Variants in ATG7 observed in about 807,000 individuals in gnomAD.
The protein encoded by ATG7 is ubiquitin-like modifier-activating enzyme ATG7.
In ATG7, 70 loss-of-function variants were observed where a neutral mutation model predicts 82.4. That is an observed-to-expected ratio of 0.85 (90% CI 0.70 to 1.04). The LOEUF (loss-of-function observed/expected upper bound fraction) is 1.04, where lower values mean the gene tolerates loss of function less well. Among genes scored for constraint, ATG7 ranks in the 50% least tolerant of loss-of-function variants. ATG7 has a pLI of 0.00. For missense variants in ATG7, 792 were observed against 864.3 expected (o/e 0.92, Z 1.05); for synonymous variants, 287 against 313.0 (o/e 0.92, Z 0.88).
At position 11,527,071 on chromosome 3, in the gene ATG7, GTA is replaced by G. The variant is rs59492212; in HGVS notation, c.2080-27719_2080-27718del. The stretch of plus-strand genomic sequence containing the variant: ...TGTGTGTGTGTGTGTGTGTGTGTGT[GTA>G]TATATATATATATATATATACATAC... On this transcript the variant is annotated intron_variant, in intron 20 of 20. Coordinates refer to ENST00000693202, the MANE Select transcript of ATG7 (RefSeq NM_001349232.2). 9.6e-3 allele frequency among the ~76,000 whole-genome samples: 1,217 copies of G among 127,374 alleles called. 16 individuals are homozygous for G. The highest frequency in any genetic ancestry group is 0.034 in the African/African-American group (1,083 of 31,972). 83.6% of individuals were successfully genotyped at this position (127,374 alleles called of 152,430 possible).
chr3:11,573,289 A>G, the ATG7 span, among the ~76,000 whole-genome samples: 10 of 11,350 alleles, frequency 8.8e-4, no homozygotes, highest in Non-Finnish European at 1.4e-3. Context: ...GAAAGAAAGA[A>G]AGAAAGAAAG....
intron 18 of ATG7, among the ~76,000 whole-genome samples, chr3:11,377,774 G>A (rs1427719291): frequency 6.6e-6 from 1 of 152,154 alleles, no homozygotes; most frequent in Non-Finnish European, 1.5e-5. Flanking sequence ...GACTCACTGT[G>A]AGTATTCTCA....
At chr3:11,486,820 G>GTTTTTTTTTTTTTTTTTTT (rs34251925) in intron 20 of ATG7, among the ~76,000 whole-genome samples, 2 of 131,986 alleles carry the variant, frequency 1.5e-5, no homozygotes, top group Non-Finnish European at 3.2e-5. Context: ...CTTTGGTTCT[G>GTTTTTTTTTTTTTTTTTTT]TTTTTTTTTT....
intron 20 of ATG7, among the ~76,000 whole-genome samples, chr3:11,515,907 G>A (rs2092263752): frequency 6.6e-6 from 1 of 151,982 alleles, no homozygotes; most frequent in Non-Finnish European, 1.5e-5. Context: ...AGACACTGCT[G>A]GCCACGGGAA....
downstream of ATG7, among the ~76,000 whole-genome samples, chr3:11,562,098 A>G (rs895838119): frequency 1.3e-5 from 2 of 151,908 alleles, no homozygotes; most frequent in African/African-American, 4.8e-5. Context: ...GGGTTTCACC[A>G]TGTTGGCCAG....
chr3:11,505,197 AAAG>A (rs1284627833), intron 20 of ATG7, among the ~76,000 whole-genome samples: 1 of 152,240 alleles, frequency 6.6e-6, no homozygotes, highest in Non-Finnish European at 1.5e-5. Flanking sequence ...AACGTTTTAA[AAAG>A]AACAAAAGTG....
intron 3 of ATG7, chr3:11,290,728 AG>A (rs1944842725): frequency 5.0e-6 from 1 of 198,160 alleles, no homozygotes; most frequent in Non-Finnish European, 1.1e-5. Context: ...CTTGTCGCCC[AG>A]GCTGGAGTGC....
intron 20 of ATG7, among the ~76,000 whole-genome samples, chr3:11,531,224 G>T (rs924346271): frequency 6.6e-6 from 1 of 152,178 alleles, no homozygotes; most frequent in Non-Finnish European, 1.5e-5. Context: ...AGAAGGGGGG[G>T]CTGTGCAGGG....
intron 20 of ATG7, chr3:11,446,417 G>A (rs2442798): frequency 0.21 from 73,592 of 346,472 alleles, 9,085 homozygotes; most frequent in Admixed American, 0.36. Context: ...TTGTAAATGC[G>A]TTATATAAAG....
rs569422017 is a variant in ATG7 at position 11,386,511 on chromosome 3, A to G, written c.1956+6459A>G. ...AGATTTGATAGGGTTTTAAATCTCAATCATTTACAAGGACTGGCCAGAGCC... is the reference window on the plus strand; with the variant it reads ...AGATTTGATAGGGTTTTAAATCTCAGTCATTTACAAGGACTGGCCAGAGCC... On this transcript the variant is annotated intron_variant, in intron 19 of 20. Coordinates refer to ENST00000693202, the MANE Select transcript of ATG7 (RefSeq NM_001349232.2). Among the ~76,000 whole-genome samples the G allele has an allele frequency of 1.1e-4, 17 of 152,302 alleles. No individual in the cohort carries two copies. In the South Asian group the frequency reaches 1.5e-3, roughly 13 times the overall value.
At chr3:11,372,849 T>C (rs951459059) in intron 18 of ATG7, among the ~76,000 whole-genome samples, 1 of 120,662 alleles carries the variant, frequency 8.3e-6, no homozygotes, top group African/African-American at 4.6e-5. Flanking sequence ...TGCGTGCGTG[T>C]GCGTGTGTGT....
chr3:11,409,594 T>C (rs1576190245), intron 19 of ATG7, among the ~76,000 whole-genome samples: 1 of 152,262 alleles, frequency 6.6e-6, no homozygotes, highest in African/African-American at 2.4e-5. Flanking sequence ...CATCTGTTTT[T>C]CTTTCATAGA....
intron 18 of ATG7, among the ~76,000 whole-genome samples, chr3:11,374,361 G>T (rs895359880): frequency 6.6e-6 from 1 of 152,172 alleles, no homozygotes; most frequent in Admixed American, 6.5e-5. Flanking sequence ...AAATAGTATG[G>T]AGACAGCAGC....
intron 19 of ATG7, among the ~76,000 whole-genome samples, chr3:11,410,315 T>A (rs939801686): frequency 6.6e-6 from 1 of 152,206 alleles, no homozygotes; most frequent in Non-Finnish European, 1.5e-5. Flanking sequence ...GTGTTGCTAA[T>A]GTGAATGATA....
In ATG7 at chr3:11,340,675, A is replaced by C. The variant is rs1363479944; in HGVS notation, c.920A>C (p.Asn307Thr). The change falls in exon 12 of 21, where the codon AAC becomes ACC. Residue 307 changes from asparagine to threonine, a missense_variant. Asn to Thr is a moderately conservative substitution (Grantham distance 65). Coordinates refer to ENST00000693202, the MANE Select transcript of ATG7 (RefSeq NM_001349232.2). ...CCTAAAGCAGTTGGATGGGAAAAGA[A>C]CCAGAAAGGAGGCATGGGACCAAGG... The part of the protein sequence containing the change: ...DCPKAVGWEK[N>T]QKGGMGPRMV... The C allele has an allele frequency of 6.2e-6, 10 of 1,613,856 alleles. No homozygotes were observed. The highest frequency in any genetic ancestry group is 4.0e-5 in the African/African-American group (3 of 75,008).
At chr3:11,417,802 TTTATTTTATTTTA>T (rs1243944756) in intron 19 of ATG7, among the ~76,000 whole-genome samples, 10 of 89,422 alleles carry the variant, frequency 1.1e-4, no homozygotes, top group Admixed American at 2.6e-4. Context: ...TTATTATTAT[TTTATTTTATTTTA>T]TTTTTTTTTT....
chr3:11,408,100 G>T (rs951004831), intron 19 of ATG7, among the ~76,000 whole-genome samples: 1 of 152,128 alleles, frequency 6.6e-6, no homozygotes, highest in Non-Finnish European at 1.5e-5. Flanking sequence ...GAATGCCTTT[G>T]ACAGAACCCA....
chr3:11,280,740 C>G (rs527986377), intron 1 of ATG7, among the ~76,000 whole-genome samples: 1 of 152,234 alleles, frequency 6.6e-6, no homozygotes, highest in South Asian at 2.1e-4. Flanking sequence ...AATAAGAATA[C>G]TTTATTGAAT....
intron 20 of ATG7, among the ~76,000 whole-genome samples, chr3:11,520,988 C>G (rs1376115097): frequency 6.6e-6 from 1 of 152,084 alleles, no homozygotes; most frequent in African/African-American, 2.4e-5. Flanking sequence ...AGTAGTTGCT[C>G]CAGGCCCCAC....
Sources: allele counts gnomAD v4.1 joint callset (sites outside exome capture counted in the v4.1 genomes callset), GRCh38; gene constraint gnomAD v4.1.1; transcripts MANE v1.5; gene names NCBI Gene and HGNC (gene_info 2026-07-23, HGNC 2026-07-21).